USP48: variants seen among roughly 807,000 people sequenced by gnomAD.
USP48 encodes ubiquitin carboxyl-terminal hydrolase 48.
USP48 carries 43 observed loss-of-function variants against 150.7 expected under a neutral mutation model. That is an observed-to-expected ratio of 0.29 (90% CI 0.22 to 0.37). The LOEUF (loss-of-function observed/expected upper bound fraction) is 0.37, where lower values mean the gene tolerates loss of function less well. USP48 is among the 10% of genes least tolerant of loss of function. USP48 has a pLI of 1.00. For missense variants in USP48, 813 were observed against 1,249.6 expected (o/e 0.65, Z 5.27); for synonymous variants, 396 against 425.9 (o/e 0.93, Z 0.86).
rs373337034 is a variant in USP48, at chr1:21,733,170, C to T, written c.1171+3276G>A. 5.3e-4 allele frequency among the ~76,000 whole-genome samples: 80 copies of T among 152,200 alleles called. No individual in the cohort carries two copies. The South Asian group carries it at 0.016, about 30-fold the overall frequency. ...GTGGCTCACGCCTGTAATCCTAGCA[C>T]TTTGGGAGGCCGAGGCAGGCGGATC... On this transcript the variant is annotated intron_variant, in intron 9 of 26. Coordinates refer to ENST00000308271, the MANE Select transcript of USP48 (RefSeq NM_032236.8).
chr1:21,740,958 T>C (rs913362899), intron 8 of USP48, among the ~76,000 whole-genome samples: 14 of 152,190 alleles, frequency 9.2e-5, no homozygotes, highest in Non-Finnish European at 2.1e-4. Flanking sequence ...GAAGAAATTA[T>C]GCAGAATGCA....
chr1:21,724,268 GCCACTCCTAT>G lies in USP48; in HGVS notation c.1451-183_1451-174del, dbSNP rs2097730240. The G allele has an allele frequency of 5.0e-5, 34 of 674,572 alleles. No homozygotes were observed. The South Asian group carries it at 5.1e-4, about 10-fold the overall frequency. The allele number at this position is 674,572 out of a possible 1,614,324, so 41.8% of individuals were successfully genotyped here. On this transcript the variant is annotated intron_variant, in intron 11 of 26. Transcript: ENST00000308271. Reference sequence around the variant, plus strand: ...GTACGACACAAAGCTCCAGTTAAGTGCCACTCCTATGAGTTCAAGGAGCTGTGCACCATAA... The same window carrying G: ...GTACGACACAAAGCTCCAGTTAAGTGGAGTTCAAGGAGCTGTGCACCATAA...
intron 10 of USP48, among the ~76,000 whole-genome samples, chr1:21,729,213 C>G (rs1332226510): frequency 1.3e-5 from 2 of 150,492 alleles, no homozygotes; most frequent in African/African-American, 2.5e-5. Flanking sequence ...ACCCAGGAGG[C>G]AGAGGTTGCA....
intron 1 of USP48, among the ~76,000 whole-genome samples, chr1:21,782,590 G>A (rs900653675): frequency 6.6e-6 from 1 of 152,218 alleles, no homozygotes; most frequent in Non-Finnish European, 1.5e-5. Flanking sequence ...GCCATCTTCT[G>A]GATGGGAACC....
intron 12 of USP48, among the ~76,000 whole-genome samples, chr1:21,722,692 A>C (rs930261547): frequency 1.8e-4 from 27 of 152,012 alleles, no homozygotes; most frequent in Admixed American, 1.8e-3. Flanking sequence ...AGAAAATACA[A>C]AACTTAACCA....
Position 21,685,499 on chromosome 1 carries a change from G to C in USP48, c.3058+1692C>G, listed in dbSNP as rs369638867. On this transcript the variant is annotated intron_variant, in intron 25 of 26. Transcript: ENST00000308271. Reference sequence around the variant, plus strand: ...CTGGTTAATTTTTGTAATTTTAGTAGAGATGGGGTTTCGCCATGTTGGCCA... The same window carrying C: ...CTGGTTAATTTTTGTAATTTTAGTACAGATGGGGTTTCGCCATGTTGGCCA... Among the ~76,000 whole-genome samples the C allele has an allele frequency of 7.6e-4, 116 of 152,120 alleles. 1 individual carries two copies. Among genetic ancestry groups the C allele is most frequent in the African/African-American group, 2.7e-3 (114 of 41,514 alleles).
At chr1:21,682,011 C>G (rs1385213969) in intron 25 of USP48, among the ~76,000 whole-genome samples, 2 of 152,186 alleles carry the variant, frequency 1.3e-5, no homozygotes, top group South Asian at 2.1e-4. Context: ...TGAGACTTCC[C>G]TTCACCATCT....
intron 8 of USP48, among the ~76,000 whole-genome samples, chr1:21,741,452 G>C (rs1279170647): frequency 1.3e-5 from 2 of 152,110 alleles, no homozygotes; most frequent in East Asian, 1.9e-4. Context: ...AATGAATTTC[G>C]CAAGGACAAA....
intron 21 of USP48, 84 bp from the exon 22 acceptor site, chr1:21,701,686 C>G: frequency 1.9e-6 from 2 of 1,057,708 alleles, no homozygotes; most frequent in Non-Finnish European, 1.5e-6. Flanking sequence ...GGACCGGCAA[C>G]CTTTATCAAG....
intron 3 of USP48, among the ~76,000 whole-genome samples, chr1:21,753,556 G>A (rs2097822773): frequency 1.3e-5 from 2 of 152,098 alleles, no homozygotes; most frequent in South Asian, 4.2e-4. Context: ...GCTGGGCACG[G>A]TGGCTCACAC....
intron 22 of USP48, among the ~76,000 whole-genome samples, chr1:21,699,433 C>T (rs1249419364): frequency 6.6e-6 from 1 of 150,590 alleles, no homozygotes; most frequent in Non-Finnish European, 1.5e-5. Flanking sequence ...CTCCTGACCT[C>T]GTGATCTGCC....
chr1:21,756,921 C>G (rs1435615108), intron 2 of USP48: 14 of 985,268 alleles, frequency 1.4e-5, no homozygotes, highest in Non-Finnish European at 1.6e-5. Context: ...CGGACGGCAT[C>G]ACTGCTCATC....
At chr1:21,754,434 C>A (rs1396682009) in intron 3 of USP48, among the ~76,000 whole-genome samples, 1 of 152,150 alleles carries the variant, frequency 6.6e-6, no homozygotes, top group African/African-American at 2.4e-5. Context: ...GGAATGGAAG[C>A]AGAAAGCATG....
intron 12 of USP48, among the ~76,000 whole-genome samples, chr1:21,723,144 T>C (rs935855928): frequency 6.6e-6 from 1 of 152,178 alleles, no homozygotes; most frequent in Non-Finnish European, 1.5e-5. Context: ...TGTGGTCATA[T>C]ATAGCTCTAT....
chr1:21,764,743 T>G (rs2097857902), intron 1 of USP48, among the ~76,000 whole-genome samples: 1 of 146,638 alleles, frequency 6.8e-6, no homozygotes, highest in South Asian at 2.1e-4. Context: ...CTTGATTACA[T>G]AGGCATGACT....
At chr1:21,691,415 C>T (rs1026493379) in intron 23 of USP48, among the ~76,000 whole-genome samples, 2 of 152,024 alleles carry the variant, frequency 1.3e-5, no homozygotes, top group African/African-American at 4.8e-5. Flanking sequence ...AGGTGGATCA[C>T]CTGAGGTCAG....
intron 12 of USP48, among the ~76,000 whole-genome samples, chr1:21,722,848 C>T (rs889784122): frequency 1.3e-5 from 2 of 151,958 alleles, no homozygotes; most frequent in African/African-American, 4.8e-5. Flanking sequence ...AAAACAAAAA[C>T]AAAAATTCCC....
intron 9 of USP48, among the ~76,000 whole-genome samples, chr1:21,735,428 C>T (rs11807258): frequency 0.11 from 17,330 of 152,084 alleles, 1,187 homozygotes; most frequent in African/African-American, 0.18. Flanking sequence ...GGTAAGACCC[C>T]GTCTCCACAA....
rs565301241 is a variant in USP48, at chr1:21,757,200, T to C, written c.255+463A>G. ...CTGACCTTACAAAGAATTATTATTT[T>C]ATTAAAATATCTATATATAACAAAC... On this transcript the variant is annotated intron_variant, in intron 2 of 26. Coordinates refer to ENST00000308271, the MANE Select transcript of USP48 (RefSeq NM_032236.8). Among the ~76,000 whole-genome samples the C allele has an allele frequency of 2.1e-3, 313 of 152,252 alleles. 1 individual carries two copies. Among genetic ancestry groups the C allele is most frequent in the African/African-American group, 7.1e-3 (295 of 41,556 alleles).
Sources: gnomAD v4.1 joint callset for allele counts (sites outside exome capture counted in the v4.1 genomes callset) on GRCh38, gnomAD v4.1.1 for gene constraint, MANE v1.5 for transcripts, NCBI Gene and HGNC (gene_info 2026-07-23, HGNC 2026-07-21) for gene names.